Variants in OPCML observed in about 807,000 individuals in gnomAD.
OPCML encodes the protein opioid binding protein/cell adhesion molecule like.
Under a neutral mutation model 37.8 loss-of-function variants are expected in OPCML, and 13 were observed. That is an observed-to-expected ratio of 0.34 (90% confidence interval 0.22 to 0.55). OPCML has a LOEUF of 0.55. Among genes scored for constraint, OPCML ranks in the 20% least tolerant of loss-of-function variants. The pLI, the probability that OPCML is intolerant of heterozygous loss-of-function variation, is 0.91. For synonymous variants in OPCML, 176 were observed against 168.8 expected, an observed-to-expected ratio of 1.04 and a Z score of -0.33; for missense variants, 341 against 435.6, an observed-to-expected ratio of 0.78 and a Z score of 1.93.
At chr11:132,835,721 T>C (rs1940965561) in intron 2 of OPCML, among the ~76,000 whole-genome samples, 1 of 152,202 alleles carries the variant, frequency 6.6e-6, no homozygotes. Flanking sequence ...TTGCTTTTGA[T>C]GGCCACATAC....
At chr11:133,326,971 G>C (rs1355673915) in intron 1 of OPCML, among the ~76,000 whole-genome samples, 7 of 146,128 alleles carry the variant, frequency 4.8e-5, no homozygotes, top group Non-Finnish European at 7.6e-5. Flanking sequence ...TGGGGTATGT[G>C]GTGGTGTGTG....
chr11:133,452,950 T>C (rs1946607705), intron 1 of OPCML, among the ~76,000 whole-genome samples: 1 of 148,282 alleles, frequency 6.7e-6, no homozygotes, highest in African/African-American at 2.6e-5. Flanking sequence ...ACCAAATGTA[T>C]ACTATCTTCA....
intron 3 of OPCML, among the ~76,000 whole-genome samples, chr11:132,641,099 C>A (rs745341862): frequency 4.6e-5 from 7 of 152,188 alleles, no homozygotes; most frequent in Non-Finnish European, 1.0e-4. Flanking sequence ...CAGCAGGCAT[C>A]ACCTGGACAG....
intron 1 of OPCML, among the ~76,000 whole-genome samples, chr11:132,990,324 A>G (rs772806528): frequency 1.3e-5 from 2 of 152,362 alleles, no homozygotes; most frequent in South Asian, 4.1e-4. Context: ...AACTCATTGC[A>G]AAGAAATGCT....
In OPCML at chr11:133,355,919, A is replaced by G. The variant is rs556052057; in HGVS notation, c.61+176345T>C. Among the ~76,000 whole-genome samples, 3 of 152,330 alleles carry G rather than the reference A, an allele frequency of 2.0e-5. No individual in the cohort carries two copies. The South Asian group carries it at 6.2e-4, about 32-fold the overall frequency. Reference sequence around the variant, plus strand: ...CATGTTCCTAACAGCCGTGCTAATCAGCTCCTTTTTCTGGTAGCATTAGAA... The same window carrying G: ...CATGTTCCTAACAGCCGTGCTAATCGGCTCCTTTTTCTGGTAGCATTAGAA... On this transcript the variant is annotated intron_variant, in intron 1 of 7. Coordinates refer to ENST00000524381, the MANE Select transcript of OPCML (RefSeq NM_001012393.5).
intron 1 of OPCML, among the ~76,000 whole-genome samples, chr11:133,022,224 TCA>T (rs1375649822): frequency 1.3e-5 from 2 of 152,182 alleles, no homozygotes; most frequent in African/African-American, 4.8e-5. Flanking sequence ...AAAAATGACT[TCA>T]CACAGTAAAC....
chr11:132,464,443 C>A (rs1410021151), intron 4 of OPCML, among the ~76,000 whole-genome samples: 1 of 152,172 alleles, frequency 6.6e-6, no homozygotes. Flanking sequence ...AATGTAAGCT[C>A]CACGAGAGCA....
intron 2 of OPCML, among the ~76,000 whole-genome samples, chr11:132,715,918 G>A (rs138769356): frequency 2.4e-4 from 37 of 152,276 alleles, no homozygotes; most frequent in South Asian, 6.2e-4. Context: ...ACCCACAGTC[G>A]ATGCTCGATA....
At chr11:132,622,145 TA>T (rs200377254) in intron 3 of OPCML, among the ~76,000 whole-genome samples, 81 of 141,314 alleles carry the variant, frequency 5.7e-4, no homozygotes, top group Admixed American at 1.2e-3. Context: ...ATGAGAATAA[TA>T]AAAAAAAAAA....
intron 1 of OPCML, among the ~76,000 whole-genome samples, chr11:133,419,971 T>C (rs1255595428): frequency 1.3e-5 from 2 of 152,208 alleles, no homozygotes; most frequent in African/African-American, 4.8e-5. Context: ...CCAACACCCA[T>C]GTCGGAACTA....
intron 1 of OPCML, among the ~76,000 whole-genome samples, chr11:133,120,993 G>A: frequency 6.6e-6 from 1 of 152,278 alleles, no homozygotes; most frequent in South Asian, 2.1e-4. Flanking sequence ...TGTGATCTCA[G>A]CTCACCGCAA....
chr11:132,880,372 G>A (rs1365344626), intron 2 of OPCML, among the ~76,000 whole-genome samples: 1 of 151,958 alleles, frequency 6.6e-6, no homozygotes, highest in Non-Finnish European at 1.5e-5. Context: ...CAAACTCCAC[G>A]GGCCTTATCT....
chr11:133,368,036 G>T (rs1425327958), intron 1 of OPCML, among the ~76,000 whole-genome samples: 1 of 152,190 alleles, frequency 6.6e-6, no homozygotes, highest in African/African-American at 2.4e-5. Flanking sequence ...TTGATGCAAA[G>T]AACTTAGGCA....
At chr11:133,116,209 C>T (rs1486693666) in intron 1 of OPCML, among the ~76,000 whole-genome samples, 2 of 152,168 alleles carry the variant, frequency 1.3e-5, no homozygotes, top group African/African-American at 4.8e-5. Flanking sequence ...CATTGTGATA[C>T]ACCCGCCTCG....
intron 2 of OPCML, among the ~76,000 whole-genome samples, chr11:132,745,505 C>A (rs1000795349): frequency 3.0e-4 from 45 of 150,458 alleles, no homozygotes; most frequent in African/African-American, 1.1e-3. Flanking sequence ...TTCTCCTCTC[C>A]CTTGCTCTGT....
At chr11:132,972,491 G>A (rs1367372209) in intron 1 of OPCML, among the ~76,000 whole-genome samples, 2 of 152,194 alleles carry the variant, frequency 1.3e-5, no homozygotes, top group African/African-American at 4.8e-5. Flanking sequence ...ATGTCAGGAT[G>A]GAAAGCCCCA....
chr11:132,846,016 C>G, intron 2 of OPCML, among the ~76,000 whole-genome samples: 1 of 152,136 alleles, frequency 6.6e-6, no homozygotes, highest in African/African-American at 2.4e-5. Context: ...AGCAATCCCC[C>G]AGTCACCATC....
intron 2 of OPCML, among the ~76,000 whole-genome samples, chr11:132,934,923 T>C (rs1945321684): frequency 6.6e-6 from 1 of 152,072 alleles, no homozygotes; most frequent in Non-Finnish European, 1.5e-5. Flanking sequence ...GGGGAACACC[T>C]GTGGTAGGGA....
chr11:132,851,252 A>T (rs1287141667), intron 2 of OPCML, among the ~76,000 whole-genome samples: 1 of 152,222 alleles, frequency 6.6e-6, no homozygotes, highest in African/African-American at 2.4e-5. Context: ...TCACTGCTAG[A>T]TTTGAATTTA....
Sources: gnomAD v4.1 joint callset for allele counts (sites outside exome capture counted in the v4.1 genomes callset) on GRCh38, gnomAD v4.1.1 for gene constraint, MANE v1.5 for transcripts, NCBI Gene and HGNC (gene_info 2026-07-23, HGNC 2026-07-21) for gene names.